LRSAM1: variants seen among roughly 807,000 people sequenced by gnomAD.
The protein encoded by LRSAM1 is E3 ubiquitin-protein ligase LRSAM1.
In LRSAM1, 96 loss-of-function variants were observed where a neutral mutation model predicts 118.1. The observed-to-expected ratio is 0.81, with a 90% CI of 0.69 to 0.96. LRSAM1 has a LOEUF of 0.96. Ranked by LOEUF, LRSAM1 falls within the 40% of genes least tolerant of loss-of-function variation. The probability of loss-of-function intolerance (pLI) is 0.00; values close to 1 mark genes in which losing one functional copy is unlikely to be tolerated. For synonymous variants in LRSAM1, 322 were observed against 364.2 expected, an observed-to-expected ratio of 0.88 and a Z score of 1.32; for missense variants, 804 against 915.5, an observed-to-expected ratio of 0.88 and a Z score of 1.57.
At chr9:127,467,670 A>C in intron 9 of LRSAM1, 70 bp from the exon 10 acceptor site, 1 of 1,405,462 alleles carries the variant, frequency 7.1e-7, no homozygotes, top group Non-Finnish European at 9.9e-7. Context: ...ACACAAATTG[A>C]TAAGGAAATC....
chr9:127,466,504 A>ATTTTT lies in LRSAM1; in HGVS notation c.529-1214_529-1210dup, dbSNP rs869115663. Among the ~76,000 whole-genome samples the ATTTTT allele has an allele frequency of 3.7e-4, 9 of 24,518 alleles. 1 individual carries two copies. Among genetic ancestry groups the ATTTTT allele is most frequent in the East Asian group, 9.7e-4 (1 of 1,032 alleles). The allele number at this position is 24,518 out of a possible 152,430, so 16.1% of individuals were successfully genotyped here. ...TATATATATATATATATATATATAT[A>ATTTTT]TTTTTTTTTTTTTTTTTTTTTTTTT... On this transcript the variant is annotated intron_variant, in intron 9 of 25. Coordinates refer to ENST00000300417, the MANE Select transcript of LRSAM1 (RefSeq NM_001005373.4).
intron 19 of LRSAM1, among the ~76,000 whole-genome samples, chr9:127,490,017 C>T (rs1241715987): frequency 1.3e-5 from 2 of 152,166 alleles, no homozygotes; most frequent in Non-Finnish European, 2.9e-5. Flanking sequence ...CAGGAGGAGG[C>T]GGTCCTCCTC....
At chr9:127,457,227 G>T (rs1834552001) in intron 5 of LRSAM1, 89 bp from the exon 6 acceptor site, 1 of 1,450,822 alleles carries the variant, frequency 6.9e-7, no homozygotes, top group Non-Finnish European at 9.6e-7. Flanking sequence ...GTGGGGCGTG[G>T]CACGGCGCTG....
At chr9:127,458,662 C>T (rs912616678) in intron 6 of LRSAM1, among the ~76,000 whole-genome samples, 5 of 152,190 alleles carry the variant, frequency 3.3e-5, no homozygotes, top group Non-Finnish European at 7.3e-5. Flanking sequence ...TAATTTTACA[C>T]TGTGGAGTAC....
At chr9:127,464,388 A>G (rs12347197) in intron 9 of LRSAM1, among the ~76,000 whole-genome samples, 1 of 109,338 alleles carries the variant, frequency 9.1e-6, no homozygotes, top group East Asian at 3.0e-4. Context: ...AGCGGCGGCC[A>G]CTGGCCACGT....
chr9:127,480,428 GGC>G, intron 14 of LRSAM1, among the ~76,000 whole-genome samples: 1 of 152,164 alleles, frequency 6.6e-6, no homozygotes, highest in East Asian at 1.9e-4. Context: ...GGGGAGACAT[GGC>G]GCCAGAAAAG....
intron 24 of LRSAM1, among the ~76,000 whole-genome samples, chr9:127,499,307 G>A (rs544932725): frequency 3.3e-5 from 5 of 152,174 alleles, no homozygotes; most frequent in African/African-American, 7.2e-5. Flanking sequence ...TTGGGAGGTC[G>A]AGGCTGCAGT....
At chr9:127,459,095 C>T (rs1319165311) in intron 7 of LRSAM1, 24 bp downstream of exon 7, 1 of 1,611,464 alleles carries the variant, frequency 6.2e-7, no homozygotes, top group East Asian at 2.2e-5. Flanking sequence ...AACAGAAACC[C>T]ACCTCGGATG....
chr9:127,499,408 G>A (rs1039086634), intron 24 of LRSAM1, among the ~76,000 whole-genome samples: 9 of 151,564 alleles, frequency 5.9e-5, no homozygotes, highest in African/African-American at 1.5e-4. Context: ...TTAGCAAGGC[G>A]TCATCCCAGC....
intron 13 of LRSAM1, 27 bp downstream of exon 13, chr9:127,479,532 G>A (rs767139754): frequency 6.2e-7 from 1 of 1,612,574 alleles, no homozygotes; most frequent in Admixed American, 1.7e-5. Flanking sequence ...CTAGGGTCCA[G>A]CCTGGCTGCA....
At chr9:127,474,781 C>T (rs1479464942) in intron 11 of LRSAM1, among the ~76,000 whole-genome samples, 2 of 152,328 alleles carry the variant, frequency 1.3e-5, no homozygotes, top group African/African-American at 4.8e-5. Context: ...CTGGCCCTGT[C>T]AGGTCCTGGC....
rs1482367646 is a variant in LRSAM1, at chr9:127,457,481, C to T, written c.252+88C>T. ...CCTGCTCCTTTTGGGCTGCCTCTTG[C>T]ATGTCAGAGGGGCCCAATCTACCAG... On this transcript the variant is annotated intron_variant, in intron 6 of 25. Transcript: ENST00000300417. 9 of 1,219,756 alleles carry T rather than the reference C, an allele frequency of 7.4e-6. No homozygotes were observed. In the South Asian group the frequency reaches 8.8e-5, roughly 12 times the overall value. 75.6% of individuals were successfully genotyped at this position (1,219,756 alleles called of 1,614,324 possible).
At chr9:127,454,806 C>G (rs1376504660) in intron 3 of LRSAM1, among the ~76,000 whole-genome samples, 192 bp from the exon 4 acceptor site, 3 of 152,176 alleles carry the variant, frequency 2.0e-5, no homozygotes, top group East Asian at 3.8e-4. Context: ...CATTGCTTTT[C>G]AGTTCCTCAT....
At chr9:127,479,717 G>A (rs779051009) in intron 13 of LRSAM1, 122 bp from the exon 14 acceptor site, 47 of 1,413,792 alleles carry the variant, frequency 3.3e-5, no homozygotes, top group Non-Finnish European at 4.4e-5. Context: ...GGAGCTGGCC[G>A]GAGGTCACAC....
At chr9:127,499,046 ACT>A (rs1177020534) in intron 24 of LRSAM1, among the ~76,000 whole-genome samples, 1 of 136,452 alleles carries the variant, frequency 7.3e-6, no homozygotes, top group Non-Finnish European at 1.6e-5. Context: ...GACAAGTGAA[ACT>A]CTGTCTCAAA....
chr9:127,486,359 G>A (rs113964577), intron 17 of LRSAM1: 130 of 174,376 alleles, frequency 7.5e-4, no homozygotes, highest in African/African-American at 3.0e-3. Flanking sequence ...TGGCTGCTCT[G>A]GGGTCCGGCT....
intron 9 of LRSAM1, among the ~76,000 whole-genome samples, chr9:127,463,681 G>A (rs1325058699): frequency 6.6e-6 from 1 of 152,156 alleles, no homozygotes; most frequent in Non-Finnish European, 1.5e-5. Context: ...TCTGAGGGAT[G>A]GGGGGATTAG....
At chr9:127,473,652 G>C (rs1022938653) in intron 10 of LRSAM1, 149 bp from the exon 11 acceptor site, 1 of 1,066,256 alleles carries the variant, frequency 9.4e-7, no homozygotes, top group Non-Finnish European at 1.4e-6. Context: ...GGCTAGGACC[G>C]GTGAAAAACA....
intron 21 of LRSAM1, among the ~76,000 whole-genome samples, chr9:127,493,104 C>T (rs866339202): frequency 4.6e-5 from 7 of 152,208 alleles, no homozygotes; most frequent in Admixed American, 2.0e-4. Context: ...CTCTGTCGCC[C>T]AGGCTGGAGT....
Sources: gnomAD v4.1 joint callset for allele counts (sites outside exome capture counted in the v4.1 genomes callset) on GRCh38, gnomAD v4.1.1 for gene constraint, MANE v1.5 for transcripts, NCBI Gene and HGNC (gene_info 2026-07-23, HGNC 2026-07-21) for gene names.